CPLX3: variants seen among roughly 807,000 people sequenced by gnomAD.
CPLX3 encodes complexin-3.
A neutral mutation model predicts 17.2 loss-of-function variants in CPLX3; 12 were observed. The ratio of observed to expected loss-of-function variants is 0.70; its 90% CI spans 0.45 to 1.13. The LOEUF (loss-of-function observed/expected upper bound fraction) is 1.13, where lower values mean the gene tolerates loss of function less well. CPLX3 is among the 50% of genes most tolerant of loss of function. The pLI, the probability that CPLX3 is intolerant of heterozygous loss-of-function variation, is 0.00. For synonymous variants in CPLX3, 75 were observed against 79.4 expected (o/e 0.94, Z 0.29); for missense variants, 172 against 203.2 (o/e 0.85, Z 0.93).
Position 74,830,552 on chromosome 15 carries a change from C to A in CPLX3, c.*198C>A. On this transcript the variant is annotated 3_prime_UTR_variant, in exon 3 of 3. Transcript: ENST00000395018. The stretch of plus-strand genomic sequence containing the variant: ...AGTAAAGTCCCCATCTTCACTCTAC[C>A]CTTCAGGACCCTCCCCACCAGCTCA... 1.7e-6 allele frequency: 1 copy of A among 574,374 alleles called. No individual in the cohort carries two copies. The highest frequency in any genetic ancestry group is 2.0e-5 in the South Asian group (1 of 49,094). The allele number at this position is 574,374 out of a possible 1,614,324, so 35.6% of individuals were successfully genotyped here. A position where few individuals can be genotyped will look rare whatever the true frequency, so the allele number is the denominator to read the frequency against.
rs1266150073 is a variant in CPLX3, at chr15:74,831,742, G to A, written c.*1388G>A. ...AGTAATAATACATGTTTCAAAGGGT[G>A]ACCATTTATAAAGCATATGACAAAC... On this transcript the variant is annotated 3_prime_UTR_variant, in exon 3 of 3. Coordinates refer to ENST00000395018, the MANE Select transcript of CPLX3 (RefSeq NM_001030005.3). The A allele has an allele frequency of 3.3e-5, 5 of 152,204 alleles. No homozygotes were observed. The highest frequency in any genetic ancestry group is 1.2e-4 in the African/African-American group (5 of 41,442). The allele number at this position is 152,204 out of a possible 1,614,324, so 9.4% of individuals were successfully genotyped here. A position where few individuals can be genotyped will look rare whatever the true frequency, so the allele number is the denominator to read the frequency against.
Position 74,830,286 on chromosome 15 carries a change from C to T in CPLX3, c.409C>T (p.Leu137Phe), listed in dbSNP as rs772359742. 1.2e-6 allele frequency: 2 copies of T among 1,613,964 alleles called. No homozygotes were observed. The highest frequency in any genetic ancestry group is 8.5e-7 in the Non-Finnish European group (1 of 1,180,050). ...CCTTCCTGGCTTGAACCTGGGCTCA[C>T]TCAAGGACAAGGCCCAGGCCACACT... ...ASLPGLNLGS[L>F]KDKAQATLGD... Residue 137 changes from leucine (L) to phenylalanine (F), a missense_variant, in exon 3 of 3, where the codon CTC (leucine) becomes TTC (phenylalanine). Leu to Phe is a conservative substitution (Grantham distance 22, BLOSUM62 0). Transcript: ENST00000395018.
At chr15:74,828,868 A>T (rs1470420062) in intron 2 of CPLX3, among the ~76,000 whole-genome samples, 1 of 152,140 alleles carries the variant, frequency 6.6e-6, no homozygotes, top group Non-Finnish European at 1.5e-5. Context: ...TCCCCTGGGC[A>T]GTGCACCACC....
rs779386450 is a variant in CPLX3, at chr15:74,826,769, C to G, written c.66C>G (p.Gly22=). 6.2e-7 allele frequency: 1 copy of G among 1,608,950 alleles called. No individual in the cohort carries two copies. The highest frequency in any genetic ancestry group is 2.3e-5 in the East Asian group (1 of 43,860). ...QLKNLTGSLG[G]GEDKGDGDKS... Reference sequence around the variant, plus strand: ...AGAACCTCACTGGGAGCCTGGGAGGCGGCGAGGATAAGGGAGATGGGGACA... The same window carrying G: ...AGAACCTCACTGGGAGCCTGGGAGGGGGCGAGGATAAGGGAGATGGGGACA... Residue 22 remains glycine (G), a synonymous_variant, in exon 1 of 3, where the codon GGC becomes GGG. Coordinates refer to ENST00000395018, the MANE Select transcript of CPLX3 (RefSeq NM_001030005.3). The surrounding 1 kb of genome is among the most constrained non-coding windows in gnomAD (Gnocchi z 5.0).
chr15:74,829,050 T>C (rs1426365988), intron 2 of CPLX3, among the ~76,000 whole-genome samples: 1 of 152,144 alleles, frequency 6.6e-6, no homozygotes, highest in Admixed American at 6.5e-5. Flanking sequence ...TGACCAAATA[T>C]ATGAACATCA....
At chr15:74,829,376 A>G (rs781248765) in intron 2 of CPLX3, among the ~76,000 whole-genome samples, 44 of 152,186 alleles carry the variant, frequency 2.9e-4, no homozygotes, top group Non-Finnish European at 6.2e-4. Flanking sequence ...AGATGTTGGA[A>G]TCAGTGACAT....
Position 74,830,664 on chromosome 15 carries a change from G to A in CPLX3, c.*310G>A, listed in dbSNP as rs773846109. On this transcript the variant is annotated 3_prime_UTR_variant, in exon 3 of 3. Transcript: ENST00000395018. ...GTTCCTGCACACAGGAGCACCCACA[G>A]AGAGACACACACAGGACACAAAACC... 1 of 327,148 alleles carries A rather than the reference G, an allele frequency of 3.1e-6. No individual in the cohort carries two copies. Among genetic ancestry groups the A allele is most frequent in the Non-Finnish European group, 5.8e-6 (1 of 172,270 alleles). 20.3% of individuals were successfully genotyped at this position (327,148 alleles called of 1,614,324 possible). A position where few individuals can be genotyped will look rare whatever the true frequency, so the allele number is the denominator to read the frequency against.
rs1044901325 is a variant in CPLX3, at chr15:74,831,651, C to G, written c.*1297C>G. On this transcript the variant is annotated 3_prime_UTR_variant, in exon 3 of 3. Coordinates refer to ENST00000395018, the MANE Select transcript of CPLX3 (RefSeq NM_001030005.3). ...CACACTGTGATGACTTTGAGCCTGTCCTTTCCCTCCTTGAGCCTGTCTTGC... is the reference window on the plus strand; with the variant it reads ...CACACTGTGATGACTTTGAGCCTGTGCTTTCCCTCCTTGAGCCTGTCTTGC... 1 of 152,218 alleles carries G rather than the reference C, an allele frequency of 6.6e-6. No homozygotes were observed. The highest frequency in any genetic ancestry group is 1.5e-5 in the Non-Finnish European group (1 of 68,054). 9.4% of individuals were successfully genotyped at this position (152,218 alleles called of 1,614,324 possible).
Position 74,826,930 on chromosome 15 carries a change from C to T in CPLX3, c.164+63C>T. ...TCCCCACCCCCACAGCTGCTCAGTC[C>T]ATCCCCGGGCCAGCCTCAGGTCCCA... On this transcript the variant is annotated intron_variant, in intron 1 of 2. Coordinates refer to ENST00000395018, the MANE Select transcript of CPLX3 (RefSeq NM_001030005.3). This position sits in a 1 kb window ranked among gnomAD's most constrained non-coding sequence, Gnocchi z 5.0. 2 of 1,452,722 alleles carry T rather than the reference C, an allele frequency of 1.4e-6. No individual in the cohort carries two copies. Among genetic ancestry groups the T allele is most frequent in the South Asian group, 2.5e-5 (2 of 81,394 alleles). 90.0% of individuals were successfully genotyped at this position (1,452,722 alleles called of 1,614,324 possible). A position where few individuals can be genotyped will look rare whatever the true frequency, so the allele number is the denominator to read the frequency against.
Position 74,830,481 on chromosome 15 carries a change from C to A in CPLX3, c.*127C>A. 1.4e-6 allele frequency: 1 copy of A among 730,520 alleles called. No individual in the cohort carries two copies. The highest frequency in any genetic ancestry group is 2.3e-6 in the Non-Finnish European group (1 of 440,916). The allele number at this position is 730,520 out of a possible 1,614,324, so 45.3% of individuals were successfully genotyped here. A position where few individuals can be genotyped will look rare whatever the true frequency, so the allele number is the denominator to read the frequency against. ...CCCATCCTAGTTCCAAGACCTTTCC[C>A]ATCCATGCCCCAAGCCTATCTTCTG... On this transcript the variant is annotated 3_prime_UTR_variant, in exon 3 of 3. Transcript: ENST00000395018.
chr15:74,826,683 G>A lies in CPLX3; in HGVS notation c.-21G>A. ...CCTGGCGCGTGGTAGCAGGCGCCCG[G>A]TGCCCCGGCCGGCGAAGACCATGGC... On this transcript the variant is annotated 5_prime_UTR_variant, in exon 1 of 3. In the 5' UTR this introduces an upstream ATG that the reference lacks. Transcript: ENST00000395018. This position sits in a 1 kb window ranked among gnomAD's most constrained non-coding sequence, Gnocchi z 5.0. 6.3e-7 allele frequency: 1 copy of A among 1,597,740 alleles called. No homozygotes were observed. The highest frequency in any genetic ancestry group is 8.5e-7 in the Non-Finnish European group (1 of 1,173,352).
At position 74,826,798 on chromosome 15, in the gene CPLX3, C is replaced by T; in HGVS notation, c.95C>T (p.Ser32Leu). ...GAGGATAAGGGAGATGGGGACAAGT[C>T]GGCAGCCGAAGCTCAGGGCATGAGC... ...GGEDKGDGDKSAAEAQGMSRE... is the reference protein window; with the variant it reads ...GGEDKGDGDKLAAEAQGMSRE... The change falls in exon 1 of 3, where the codon TCG becomes TTG. Residue 32 changes from serine (S) to leucine (L), a missense_variant. Coordinates refer to ENST00000395018, the MANE Select transcript of CPLX3 (RefSeq NM_001030005.3). The surrounding 1 kb of genome is among the most constrained non-coding windows in gnomAD (Gnocchi z 5.0). 1.2e-6 allele frequency: 2 copies of T among 1,603,916 alleles called. No homozygotes were observed. Among genetic ancestry groups the T allele is most frequent in the Non-Finnish European group, 1.7e-6 (2 of 1,175,206 alleles).
intron 2 of CPLX3, among the ~76,000 whole-genome samples, chr15:74,829,614 A>G (rs2063959091): frequency 2.0e-5 from 3 of 152,188 alleles, no homozygotes; most frequent in Non-Finnish European, 4.4e-5. Flanking sequence ...AATAGATATA[A>G]TAGATGTTTG....
At chr15:74,830,091 TCCACTCCACCCCA>T in intron 2 of CPLX3, 26 bp from the exon 3 acceptor site, 2 of 1,554,542 alleles carry the variant, frequency 1.3e-6, no homozygotes, top group Non-Finnish European at 1.8e-6. Context: ...CTCACAGACT[TCCACTCCACCCCA>T]CCCCCTCTTC....
chr15:74,830,229 G>A lies in CPLX3; in HGVS notation c.352G>A (p.Glu118Lys). The A allele has an allele frequency of 6.2e-7, 1 of 1,613,830 alleles. No individual in the cohort carries two copies. Among genetic ancestry groups the A allele is most frequent in the Non-Finnish European group, 8.5e-7 (1 of 1,179,910 alleles). Residue 118 changes from glutamate to lysine, a missense_variant, in exon 3 of 3, where the codon GAG becomes AAG. Coordinates refer to ENST00000395018, the MANE Select transcript of CPLX3 (RefSeq NM_001030005.3). ...MIEEDTEEEEEKASVLGQLAS... is the reference protein window; with the variant it reads ...MIEEDTEEEEKKASVLGQLAS... ...CGAGGAGGACACAGAGGAGGAGGAG[G>A]AGAAGGCCTCAGTCCTTGGGCAGCT...
chr15:74,827,784 G>C (rs1462483095), intron 1 of CPLX3, among the ~76,000 whole-genome samples: 2 of 152,216 alleles, frequency 1.3e-5, no homozygotes, highest in East Asian at 3.8e-4. Flanking sequence ...CAAATAATTA[G>C]GATCTGCAGA....
intron 2 of CPLX3, among the ~76,000 whole-genome samples, chr15:74,829,873 TA>T (rs1276269067): frequency 1.3e-5 from 2 of 151,570 alleles, no homozygotes; most frequent in Admixed American, 1.3e-4. Flanking sequence ...CTCAAGAATC[TA>T]AGGGGCCGGG....
In CPLX3 at chr15:74,826,663, C is replaced by A; in HGVS notation, c.-41C>A. The A allele has an allele frequency of 2.5e-6, 4 of 1,589,034 alleles. No homozygotes were observed. The highest frequency in any genetic ancestry group is 2.2e-5 in the South Asian group (2 of 89,810). ...AGGCGCGGACGTGCCCGGTGCCTGG[C>A]GCGTGGTAGCAGGCGCCCGGTGCCC... On this transcript the variant is annotated 5_prime_UTR_variant, in exon 1 of 3. Transcript: ENST00000395018. This position sits in a 1 kb window ranked among gnomAD's most constrained non-coding sequence, Gnocchi z 5.0.
Position 74,830,634 on chromosome 15 carries a change from C to T in CPLX3, c.*280C>T. On this transcript the variant is annotated 3_prime_UTR_variant, in exon 3 of 3. Transcript: ENST00000395018. ...AGGCCCATCCCTCTCTGGCCATGGC[C>T]CCAAGTTCCTGCACACAGGAGCACC... The T allele has an allele frequency of 4.9e-6, 2 of 404,932 alleles. No homozygotes were observed. Among genetic ancestry groups the T allele is most frequent in the Admixed American group, 7.8e-5 (2 of 25,490 alleles). The allele number at this position is 404,932 out of a possible 1,614,324, so 25.1% of individuals were successfully genotyped here.
Sources: allele counts gnomAD v4.1 joint callset (sites outside exome capture counted in the v4.1 genomes callset), GRCh38; gene constraint gnomAD v4.1.1; non-coding constraint Gnocchi (gnomAD v3.1); transcripts MANE v1.5; gene names NCBI Gene and HGNC (gene_info 2026-07-23, HGNC 2026-07-21).